Variants in ROBO1 observed in about 807,000 individuals in gnomAD.
The protein encoded by ROBO1 is roundabout homolog 1.
In ROBO1, 149 loss-of-function variants were observed where a neutral mutation model predicts 195.9. The ratio of observed to expected loss-of-function variants is 0.76; its 90% CI spans 0.67 to 0.87. ROBO1 has a LOEUF of 0.87. Ranked by LOEUF, ROBO1 falls within the 40% of genes least tolerant of loss-of-function variation. The pLI is 0.00. For synonymous variants in ROBO1, 816 were observed against 733.2 expected (o/e 1.11, Z -1.82); for missense variants, 1,933 against 2,068.3 (o/e 0.93, Z 1.27).
chr3:79,618,583 C>T (rs980905205), intron 1 of ROBO1, among the ~76,000 whole-genome samples: 1 of 152,126 alleles, frequency 6.6e-6, no homozygotes. Context: ...CCACTACTTA[C>T]CCAAATCCTA....
chr3:78,870,014 G>A (rs1281740832), intron 4 of ROBO1, among the ~76,000 whole-genome samples: 1 of 152,050 alleles, frequency 6.6e-6, no homozygotes, highest in South Asian at 2.1e-4. Context: ...ACCACACCTG[G>A]CCTTTCTATA....
intron 10 of ROBO1, among the ~76,000 whole-genome samples, chr3:78,673,549 G>A (rs1559727571): frequency 2.3e-5 from 2 of 85,290 alleles, no homozygotes; most frequent in Admixed American, 1.5e-4. Flanking sequence ...ATTACAGCTA[G>A]GTTACATATA....
intron 1 of ROBO1, among the ~76,000 whole-genome samples, chr3:79,701,555 T>C (rs1947622687): frequency 1.3e-5 from 2 of 151,724 alleles, no homozygotes; most frequent in African/African-American, 4.8e-5. Context: ...TTGTCAGCCA[T>C]TGTTATTTTC....
At chr3:79,731,030 T>C (rs1560139659) in intron 1 of ROBO1, among the ~76,000 whole-genome samples, 1 of 152,088 alleles carries the variant, frequency 6.6e-6, no homozygotes, top group African/African-American at 2.4e-5. Flanking sequence ...GTGTTTCCTA[T>C]ATTTCAAAGT....
At chr3:79,664,819 G>A (rs1295418694) in intron 1 of ROBO1, among the ~76,000 whole-genome samples, 4 of 151,890 alleles carry the variant, frequency 2.6e-5, no homozygotes, top group African/African-American at 9.7e-5. Flanking sequence ...AATATTCAAT[G>A]CCTTCCGGTA....
chr3:78,938,792 T>C lies in ROBO1; in HGVS notation c.308A>G (p.Lys103Arg). ...GRPTPTIEWY[K>R]GGERVETDKD... Reference sequence around the variant, plus strand: ...GTCTGTCTCCACTCTCTCTCCCCCTTTGTACCATTCAATAGTGGGTGTGGG... The same window carrying C: ...GTCTGTCTCCACTCTCTCTCCCCCTCTGTACCATTCAATAGTGGGTGTGGG... Residue 103 changes from lysine (K) to arginine (R), a missense_variant, in exon 4 of 31, where the codon AAA becomes AGA. Physicochemically the swap from Lys to Arg is conservative, Grantham distance 26 (BLOSUM62 2). Around this residue, in one of 3 missense-constraint regions of ROBO1, gnomAD observed 185 missense variants for 159.5 expected, o/e 1.16. Coordinates refer to ENST00000464233, the MANE Select transcript of ROBO1 (RefSeq NM_002941.4). 6.2e-7 allele frequency: 1 copy of C among 1,613,948 alleles called. No individual in the cohort carries two copies. Among genetic ancestry groups the C allele is most frequent in the African/African-American group, 1.3e-5 (1 of 75,030 alleles).
chr3:78,732,201 G>C (rs1040658998), intron 5 of ROBO1, among the ~76,000 whole-genome samples: 2 of 151,986 alleles, frequency 1.3e-5, no homozygotes, highest in African/African-American at 4.8e-5. Flanking sequence ...TATTTTCTTT[G>C]CTTCTCACGC....
intron 4 of ROBO1, among the ~76,000 whole-genome samples, chr3:78,927,512 A>G (rs1326542419): frequency 6.6e-6 from 1 of 152,222 alleles, no homozygotes. Flanking sequence ...CTCGTGTATC[A>G]TATCATTTTT....
chr3:79,065,211 G>T (rs150657194), intron 3 of ROBO1, among the ~76,000 whole-genome samples: 2 of 152,054 alleles, frequency 1.3e-5, no homozygotes, highest in Non-Finnish European at 2.9e-5. Context: ...AATGCCTTAA[G>T]AGATATAGAA....
At chr3:79,632,763 T>A (rs114522751) in intron 1 of ROBO1, among the ~76,000 whole-genome samples, 275 of 152,014 alleles carry the variant, frequency 1.8e-3, no homozygotes, top group African/African-American at 6.2e-3. Flanking sequence ...ACATTACTTC[T>A]AAAAGAAAAA....
chr3:79,339,867 A>G (rs1345953521), intron 2 of ROBO1, among the ~76,000 whole-genome samples: 1 of 152,156 alleles, frequency 6.6e-6, no homozygotes, highest in Non-Finnish European at 1.5e-5. Context: ...ATTTATCTTG[A>G]TTACTATTGA....
At chr3:79,497,917 G>C (rs1939836099) in intron 2 of ROBO1, among the ~76,000 whole-genome samples, 2 of 152,092 alleles carry the variant, frequency 1.3e-5, no homozygotes, top group South Asian at 4.1e-4. Context: ...GGCCAAGAAG[G>C]TGTTGTTAGT....
intron 3 of ROBO1, among the ~76,000 whole-genome samples, chr3:79,060,114 A>G (rs935337865): frequency 5.3e-4 from 80 of 151,996 alleles, no homozygotes; most frequent in African/African-American, 1.8e-3. Flanking sequence ...ATAAGGGATG[A>G]AATACACCCT....
chr3:79,711,599 C>A (rs1702277749), intron 1 of ROBO1, among the ~76,000 whole-genome samples: 1 of 152,060 alleles, frequency 6.6e-6, no homozygotes, highest in South Asian at 2.1e-4. Context: ...ATAATGTGGA[C>A]TTGCTTTCTT....
chr3:79,580,675 G>T (rs1368982234), intron 2 of ROBO1, among the ~76,000 whole-genome samples: 2 of 151,918 alleles, frequency 1.3e-5, no homozygotes, highest in African/African-American at 4.8e-5. Flanking sequence ...TATATTCACT[G>T]ATATTTTATA....
At chr3:78,736,331 AT>A (rs1490893269) in intron 5 of ROBO1, among the ~76,000 whole-genome samples, 1 of 152,078 alleles carries the variant, frequency 6.6e-6, no homozygotes, top group Non-Finnish European at 1.5e-5. Flanking sequence ...GGACTTTCAT[AT>A]GTTTTATGTG....
chr3:78,636,951 A>ATATATATATT (rs1443689910), intron 22 of ROBO1, among the ~76,000 whole-genome samples: 5 of 115,976 alleles, frequency 4.3e-5, no homozygotes, highest in African/African-American at 1.7e-4. Context: ...ATATATATAT[A>ATATATATATT]TATATATATA....
intron 3 of ROBO1, among the ~76,000 whole-genome samples, chr3:79,106,352 C>T (rs556390741): frequency 5.3e-4 from 80 of 151,494 alleles, no homozygotes; most frequent in Non-Finnish European, 5.9e-4. Context: ...TCACATTCTC[C>T]GGGGTTCATT....
intron 2 of ROBO1, among the ~76,000 whole-genome samples, chr3:79,158,690 T>C (rs1441675024): frequency 6.6e-6 from 1 of 151,896 alleles, no homozygotes; most frequent in Non-Finnish European, 1.5e-5. Context: ...ATGTGACATA[T>C]ATCTTTTCAC....
Sources: gnomAD v4.1 joint callset for allele counts (sites outside exome capture counted in the v4.1 genomes callset) on GRCh38, gnomAD v4.1.1 for gene constraint, gnomAD v4.1.1 regional missense constraint, MANE v1.5 for transcripts, NCBI Gene and HGNC (gene_info 2026-07-23, HGNC 2026-07-21) for gene names.